MME: variants seen among roughly 807,000 people sequenced by gnomAD.
MME encodes neprilysin.
In MME, 98 loss-of-function variants were observed where a neutral mutation model predicts 113.2. The ratio of observed to expected loss-of-function variants is 0.87; its 90% CI spans 0.74 to 1.02. The LOEUF is 1.02. Ranked by LOEUF, MME falls within the 50% of genes least tolerant of loss-of-function variation. MME has a pLI of 0.00. For synonymous variants in MME, 292 were observed against 300.6 expected, an observed-to-expected ratio of 0.97 and a Z score of 0.30; for missense variants, 836 against 896.0, an observed-to-expected ratio of 0.93 and a Z score of 0.86.
At chr3:155,035,427 C>A (rs572961774) in intron 1 of MME, among the ~76,000 whole-genome samples, 2 of 151,896 alleles carry the variant, frequency 1.3e-5, no homozygotes, top group South Asian at 4.2e-4. Flanking sequence ...CTATTATCAT[C>A]CATGTGATGA....
chr3:155,146,103 A>G (rs1721480931), intron 14 of MME, among the ~76,000 whole-genome samples: 1 of 152,230 alleles, frequency 6.6e-6, no homozygotes, highest in African/African-American at 2.4e-5. Flanking sequence ...TCAAAAGTCA[A>G]GTATCATTGA....
At chr3:155,139,234 G>C (rs145369628) in intron 9 of MME, among the ~76,000 whole-genome samples, 7 of 152,026 alleles carry the variant, frequency 4.6e-5, no homozygotes, top group Non-Finnish European at 1.0e-4. Context: ...CAGACCATGC[G>C]CTCCTTTGAC....
intron 1 of MME, among the ~76,000 whole-genome samples, chr3:155,052,132 C>T (rs1347330371): frequency 1.3e-5 from 2 of 152,220 alleles, no homozygotes; most frequent in African/African-American, 4.8e-5. Context: ...TGGGCTTCCA[C>T]AGCCCTGGTC....
At chr3:155,170,344 C>T (rs547091167) in intron 20 of MME, among the ~76,000 whole-genome samples, 6 of 152,268 alleles carry the variant, frequency 3.9e-5, no homozygotes, top group East Asian at 1.9e-4. Flanking sequence ...TGTGCCTGAC[C>T]GCATTTTACC....
At chr3:155,046,474 T>C (rs147557847) in intron 1 of MME, among the ~76,000 whole-genome samples, 6,651 of 152,174 alleles carry the variant, frequency 0.044, 160 homozygotes, top group African/African-American at 0.052. Context: ...GATTGCCTGA[T>C]GTCAGGAGTT....
intron 3 of MME, chr3:155,112,839 C>T (rs1718295002): frequency 6.6e-6 from 1 of 152,190 alleles, no homozygotes; most frequent in Admixed American, 6.5e-5. Flanking sequence ...CACACATAAC[C>T]ATAATTGCAC....
intron 17 of MME, among the ~76,000 whole-genome samples, chr3:155,164,052 G>T (rs1311591366): frequency 6.6e-6 from 1 of 151,538 alleles, no homozygotes; most frequent in African/African-American, 2.4e-5. Context: ...GCTGAGGTGG[G>T]AGGATTTCCT....
At chr3:155,078,718 A>T (rs562637520), upstream of MME, among the ~76,000 whole-genome samples, 2 of 151,206 alleles carry the variant, frequency 1.3e-5, no homozygotes, top group African/African-American at 4.9e-5. Context: ...AAAAGAGGAA[A>T]GGGATCAGTA....
intron 8 of MME, among the ~76,000 whole-genome samples, chr3:155,129,255 G>A (rs1576621635): frequency 6.6e-6 from 1 of 152,190 alleles, no homozygotes; most frequent in East Asian, 1.9e-4. Flanking sequence ...GGATCACAGA[G>A]GGTCACATTC....
chr3:155,119,338 A>C (rs1156896637), intron 8 of MME, among the ~76,000 whole-genome samples: 1 of 150,906 alleles, frequency 6.6e-6, no homozygotes, highest in African/African-American at 2.4e-5. Context: ...CCCATAGTGG[A>C]CGTTTGGATG....
chr3:155,037,250 A>C (rs1057321762), intron 1 of MME, among the ~76,000 whole-genome samples: 1 of 152,204 alleles, frequency 6.6e-6, no homozygotes, highest in African/African-American at 2.4e-5. Context: ...AAATGCATTA[A>C]GTTCTCTTTA....
intron 8 of MME, among the ~76,000 whole-genome samples, chr3:155,137,302 C>T (rs1294969605): frequency 1.3e-5 from 2 of 152,088 alleles, no homozygotes; most frequent in African/African-American, 4.8e-5. Context: ...AAAGAAACTG[C>T]TTGACTCAAG....
rs759346700 is a variant in MME, at chr3:155,148,545, T to C, written c.1498-5T>C. ...ATTTCTTCCCAAATCTTCTTTATAA[T>C]ACAGTTGAACTACAAAGAAGATGAA... On this transcript the variant is annotated splice_region_variant and splice_polypyrimidine_tract_variant and intron_variant, in intron 15 of 22. Coordinates refer to ENST00000360490, the MANE Select transcript of MME (RefSeq NM_007289.4). 1.3e-6 allele frequency: 2 copies of C among 1,578,174 alleles called. No homozygotes were observed. The highest frequency in any genetic ancestry group is 2.2e-5 in the East Asian group (1 of 44,566).
chr3:155,064,186 G>C (rs143294034), intron 1 of MME, among the ~76,000 whole-genome samples: 1 of 151,956 alleles, frequency 6.6e-6, no homozygotes, highest in Non-Finnish European at 1.5e-5. Flanking sequence ...GTAGTCGGGA[G>C]GCTGAGACAG....
intron 17 of MME, among the ~76,000 whole-genome samples, chr3:155,162,427 T>C (rs1722785528): frequency 6.6e-6 from 1 of 152,118 alleles, no homozygotes; most frequent in Non-Finnish European, 1.5e-5. Flanking sequence ...TAGTGGTCTA[T>C]TTCACAAAAT....
chr3:155,158,828 TGACTC>T (rs1722499117), intron 16 of MME: 1 of 151,908 alleles, frequency 6.6e-6, no homozygotes, highest in Admixed American at 6.6e-5. Context: ...AAAATACTGA[TGACTC>T]GGCTGTAATG....
intron 1 of MME, among the ~76,000 whole-genome samples, chr3:155,072,130 C>A (rs1017073239): frequency 7.2e-5 from 10 of 139,620 alleles, no homozygotes; most frequent in Non-Finnish European, 1.4e-4. Context: ...CACTGCAGTC[C>A]GCAGTCCGGC....
intron 1 of MME, among the ~76,000 whole-genome samples, chr3:155,068,723 TG>T (rs1714463147): frequency 6.6e-6 from 1 of 152,184 alleles, no homozygotes; most frequent in Non-Finnish European, 1.5e-5. Context: ...AACATCTGAG[TG>T]AGTAAAATAT....
At chr3:155,025,762 G>A (rs1331032039) in intron 1 of MME, among the ~76,000 whole-genome samples, 4 of 129,998 alleles carry the variant, frequency 3.1e-5, no homozygotes, top group Admixed American at 8.6e-5. Flanking sequence ...GCACGATCTC[G>A]GCTCACTGCA....
Sources: gnomAD v4.1 joint callset for allele counts (sites outside exome capture counted in the v4.1 genomes callset) on GRCh38, gnomAD v4.1.1 for gene constraint, MANE v1.5 for transcripts, NCBI Gene and HGNC (gene_info 2026-07-23, HGNC 2026-07-21) for gene names.